Variants in FAM13B observed in about 807,000 individuals in gnomAD.
FAM13B encodes the protein family with sequence similarity 13 member B.
FAM13B carries 60 observed loss-of-function variants against 117.3 expected under a neutral mutation model. The ratio of observed to expected loss-of-function variants is 0.51; its 90% CI spans 0.42 to 0.63. FAM13B has a LOEUF of 0.63. Ranked by LOEUF, FAM13B falls within the 30% of genes least tolerant of loss-of-function variation. The probability of loss-of-function intolerance (pLI) is 0.00; values close to 1 mark genes in which losing one functional copy is unlikely to be tolerated. For missense variants in FAM13B, 972 were observed against 1,091.9 expected, an observed-to-expected ratio of 0.89 and a Z score of 1.55; for synonymous variants, 332 against 356.1, an observed-to-expected ratio of 0.93 and a Z score of 0.76.
intron 7 of FAM13B, among the ~76,000 whole-genome samples, chr5:137,996,213 G>A (rs1375836102): frequency 5.9e-5 from 9 of 152,202 alleles, no homozygotes; most frequent in African/African-American, 1.7e-4. Context: ...TTGGCTCACT[G>A]CAAGCTCTGC....
At position 138,000,088 on chromosome 5, in the gene FAM13B, C is replaced by T. The variant is rs139619692; in HGVS notation, c.848+6902G>A. Among the ~76,000 whole-genome samples, 365 of 152,272 alleles carry T rather than the reference C, an allele frequency of 2.4e-3. 1 individual carries two copies. Among genetic ancestry groups the T allele is most frequent in the African/African-American group, 8.4e-3 (348 of 41,554 alleles). On this transcript the variant is annotated intron_variant, in intron 7 of 23. Transcript: ENST00000689681. ...ATTACTTTTCATTTAAAAAAAATTA[C>T]ACTAATATGTGATAGGTTTATTGTT...
chr5:137,946,342 C>CAAAAAAAAAAAAAAAACAAAAAAA, intron 18 of FAM13B, 31 bp from the exon 19 acceptor site: 1 of 919,182 alleles, frequency 1.1e-6, no homozygotes, highest in South Asian at 2.2e-5. Context: ...TAACAAAATA[C>CAAAAAAAAAAAAAAAACAAAAAAA]AAAAAAAAAA....
intron 1 of FAM13B, among the ~76,000 whole-genome samples, chr5:138,030,717 C>T (rs934371686): frequency 7.0e-6 from 1 of 142,582 alleles, no homozygotes; most frequent in African/African-American, 2.6e-5. Flanking sequence ...TCCGTCCCCC[C>T]CCCCCAAAAA....
intron 17 of FAM13B, among the ~76,000 whole-genome samples, 163 bp downstream of exon 17, chr5:137,952,465 A>C (rs1316473351): frequency 6.6e-6 from 1 of 152,236 alleles, no homozygotes; most frequent in Non-Finnish European, 1.5e-5. Flanking sequence ...ACAGTACTAC[A>C]GTATGCAATT....
rs1785967498 is a variant in FAM13B at position 138,019,097 on chromosome 5, G to A, written c.15C>T (p.Ser5=). ...AGTTGCAGTTACTCAAGGAAGGGGA[G>A]GAGCTCTTCCTCATATCTTTTTTGC... MRKS[S]SPSLSNCNSV... is the part of the protein sequence containing the mutation. The change falls in exon 3 of 24, where the codon TCC becomes TCT. Residue 5 remains serine, a synonymous_variant. Transcript: ENST00000689681. 1.2e-6 allele frequency: 2 copies of A among 1,613,660 alleles called. No homozygotes were observed. Among genetic ancestry groups the A allele is most frequent in the East Asian group, 2.2e-5 (1 of 44,882 alleles).
At chr5:138,024,933 T>C (rs1453148872) in intron 1 of FAM13B, among the ~76,000 whole-genome samples, 2 of 151,748 alleles carry the variant, frequency 1.3e-5, no homozygotes, top group African/African-American at 4.8e-5. Flanking sequence ...TGCAGTGGCA[T>C]GATCTCAGCT....
intron 20 of FAM13B, among the ~76,000 whole-genome samples, chr5:137,943,445 T>G (rs776469178): frequency 2.0e-5 from 3 of 152,164 alleles, no homozygotes; most frequent in Admixed American, 6.6e-5. Context: ...ATACAACAGA[T>G]ATTTTAAAAA....
chr5:137,983,521 G>C (rs750649813), intron 10 of FAM13B, among the ~76,000 whole-genome samples: 2 of 152,084 alleles, frequency 1.3e-5, no homozygotes, highest in Non-Finnish European at 2.9e-5. Context: ...GTCGAGAGAG[G>C]GTTTTTTCTG....
chr5:138,026,675 C>T (rs1021770610), intron 1 of FAM13B, among the ~76,000 whole-genome samples: 5 of 67,408 alleles, frequency 7.4e-5, no homozygotes, highest in African/African-American at 2.0e-4. Context: ...CACTGTGGCT[C>T]ACACCTGTAA....
chr5:137,940,396 A>T, intron 23 of FAM13B, 48 bp from the exon 24 acceptor site: 1 of 1,370,628 alleles, frequency 7.3e-7, no homozygotes, highest in Non-Finnish European at 1.0e-6. Context: ...CATTTGGAAA[A>T]AAAGATCCAA....
chr5:137,974,575 A>G (rs1773338331), intron 10 of FAM13B, among the ~76,000 whole-genome samples: 2 of 149,350 alleles, frequency 1.3e-5, no homozygotes, highest in African/African-American at 2.5e-5. Context: ...TAACCTGCAC[A>G]TTGTGCACAT....
At chr5:138,022,112 CA>C (rs34110085) in intron 1 of FAM13B, among the ~76,000 whole-genome samples, 92 of 135,622 alleles carry the variant, frequency 6.8e-4, no homozygotes, top group African/African-American at 2.3e-3. Context: ...GATCCTGTCT[CA>C]AAAAAAAAAA....
intron 10 of FAM13B, among the ~76,000 whole-genome samples, chr5:137,966,488 T>TATAGAGAGAGAGAGAGAGAG (rs1461425784): frequency 3.4e-5 from 1 of 29,466 alleles, no homozygotes; most frequent in Non-Finnish European, 6.1e-5. Context: ...TATATATATA[T>TATAGAGAGAGAGAGAGAGAG]AGAGAGAGAG....
intron 20 of FAM13B, among the ~76,000 whole-genome samples, chr5:137,944,135 G>C (rs1473737060): frequency 6.6e-6 from 1 of 152,122 alleles, no homozygotes; most frequent in Non-Finnish European, 1.5e-5. Context: ...GCCCCTTTGT[G>C]TCAGGCTTCT....
At chr5:138,037,413 G>A (rs1436584407), upstream of FAM13B, 4 of 150,542 alleles carry the variant, frequency 2.7e-5, no homozygotes, top group African/African-American at 2.4e-5. Flanking sequence ...GCTACAACCT[G>A]GACTGCATTC....
intron 14 of FAM13B, among the ~76,000 whole-genome samples, chr5:137,955,102 G>A (rs1766128527): frequency 6.6e-6 from 1 of 152,150 alleles, no homozygotes. Context: ...ACCAGAAACA[G>A]CAAGAACTGA....
chr5:138,024,579 T>TA (rs56110483), intron 1 of FAM13B, among the ~76,000 whole-genome samples: 135,149 of 140,170 alleles, frequency 0.96, 65,273 homozygotes, highest in East Asian at 1. Flanking sequence ...TATTACATTC[T>TA]AAAAAAAAAA....
At chr5:138,026,119 T>A (rs913935626) in intron 1 of FAM13B, among the ~76,000 whole-genome samples, 2 of 152,178 alleles carry the variant, frequency 1.3e-5, no homozygotes, top group African/African-American at 2.4e-5. Flanking sequence ...CTATATCAAC[T>A]CATTTAATCC....
chr5:137,960,732 A>T (rs2150293711), intron 11 of FAM13B, among the ~76,000 whole-genome samples: 1 of 152,276 alleles, frequency 6.6e-6, no homozygotes, highest in African/African-American at 2.4e-5. Flanking sequence ...CCTCCTCAAA[A>T]TATAACAGTA....
Sources: gnomAD v4.1 joint callset for allele counts (sites outside exome capture counted in the v4.1 genomes callset) on GRCh38, gnomAD v4.1.1 for gene constraint, MANE v1.5 for transcripts, NCBI Gene and HGNC (gene_info 2026-07-23, HGNC 2026-07-21) for gene names.